Variants in ARHGAP9 observed in about 807,000 individuals in gnomAD.
ARHGAP9 encodes rho GTPase-activating protein 9.
ARHGAP9 carries 76 observed loss-of-function variants against 87.3 expected under a neutral mutation model. The ratio of observed to expected loss-of-function variants is 0.87; its 90% CI spans 0.72 to 1.05. The LOEUF (loss-of-function observed/expected upper bound fraction) is 1.05. ARHGAP9 is among the 50% of genes least tolerant of loss of function. ARHGAP9 has a pLI of 0.00. For synonymous variants in ARHGAP9, 382 were observed against 394.9 expected, an observed-to-expected ratio of 0.97 and a Z score of 0.39; for missense variants, 941 against 960.5, an observed-to-expected ratio of 0.98 and a Z score of 0.27.
At chr12:57,475,793 GGCCGGTCGGA>G in intron 10 of ARHGAP9, 30 bp downstream of exon 10, 1 of 1,606,354 alleles carries the variant, frequency 6.2e-7, no homozygotes, top group Non-Finnish European at 8.5e-7. Flanking sequence ...CCTTGGTCCC[GGCCGGTCGGA>G]GCCTCCCTCC....
chr12:57,475,184 G>A, intron 12 of ARHGAP9, 107 bp downstream of exon 12: 1 of 1,258,326 alleles, frequency 7.9e-7, no homozygotes, highest in Non-Finnish European at 1.1e-6. Context: ...ACAATCTGGG[G>A]TAGTGGGAAA....
chr12:57,476,990 T>A (rs752625740), intron 5 of ARHGAP9, 27 bp from the exon 6 acceptor site: 158 of 1,519,680 alleles, frequency 1.0e-4, no homozygotes, highest in Non-Finnish European at 1.3e-4. Context: ...GAGAAACAGG[T>A]GGGGAAACGC....
chr12:57,481,919 C>T (rs907457814), upstream of ARHGAP9, among the ~76,000 whole-genome samples: 1 of 152,150 alleles, frequency 6.6e-6, no homozygotes, highest in Non-Finnish European at 1.5e-5. Context: ...ATTCTCTCCC[C>T]AGCTCAAATG....
At chr12:57,474,271 C>G (rs1293628514) in intron 15 of ARHGAP9, 95 bp from the exon 16 acceptor site, 2 of 1,584,068 alleles carry the variant, frequency 1.3e-6, no homozygotes, top group African/African-American at 2.7e-5. Context: ...TCAAAGCAGA[C>G]TATAGGAATG....
chr12:57,476,734 G>A, intron 6 of ARHGAP9, 83 bp from the exon 7 acceptor site: 2 of 1,581,848 alleles, frequency 1.3e-6, no homozygotes, highest in Non-Finnish European at 1.7e-6. Context: ...TCTCCCAGGA[G>A]TGAAGTCCCT....
Position 57,472,293 on chromosome 12 carries a change from A to C in ARHGAP9, c.*224T>G, listed in dbSNP as rs1872096384. On this transcript the variant is annotated 3_prime_UTR_variant, in exon 18 of 18. Coordinates refer to ENST00000393791, the MANE Select transcript of ARHGAP9 (RefSeq NM_032496.4). Reference sequence around the variant, plus strand: ...ATACCATGCCACTTTATGTATTATTATGTTGGGGAGGAATGATAACAGGGA... The same window carrying C: ...ATACCATGCCACTTTATGTATTATTCTGTTGGGGAGGAATGATAACAGGGA... 2.8e-5 allele frequency: 17 copies of C among 615,484 alleles called. No homozygotes were observed. The South Asian group carries it at 3.8e-4, about 14-fold the overall frequency. The allele number at this position is 615,484 out of a possible 1,614,324, so 38.1% of individuals were successfully genotyped here. A position where few individuals can be genotyped will look rare whatever the true frequency, so the allele number is the denominator to read the frequency against.
intron 1 of ARHGAP9, chr12:57,487,714 T>G (rs921174178): frequency 4.9e-6 from 1 of 202,084 alleles, no homozygotes; most frequent in Admixed American, 5.8e-5. Flanking sequence ...CCGAGCGTGG[T>G]GGCACGTGCC....
In ARHGAP9 at chr12:57,475,873, C is replaced by G; in HGVS notation, c.1271G>C (p.Arg424Pro). Reference sequence around the variant, plus strand: ...AGTCCGCAGCGCGCGGTGCCAGGCTCGCAGCTCTGTCTCGTGGTCCGACTG... The same window carrying G: ...AGTCCGCAGCGCGCGGTGCCAGGCTGGCAGCTCTGTCTCGTGGTCCGACTG... ...LLQSDHETEL[R>P]AWHRALRTVI... Residue 424 changes from arginine (R) to proline (P), a missense_variant, in exon 10 of 18, where the codon CGA (arginine) becomes CCA (proline). By Grantham distance (103) the Arg-to-Pro change is moderately radical. Coordinates refer to ENST00000393791, the MANE Select transcript of ARHGAP9 (RefSeq NM_032496.4). The G allele has an allele frequency of 6.2e-7, 1 of 1,613,946 alleles. No homozygotes were observed. The highest frequency in any genetic ancestry group is 8.5e-7 in the Non-Finnish European group (1 of 1,179,920).
upstream of ARHGAP9, among the ~76,000 whole-genome samples, chr12:57,480,606 T>C (rs1305803150): frequency 1.3e-5 from 2 of 152,152 alleles, no homozygotes; most frequent in East Asian, 3.9e-4. Context: ...CCTTAACTAA[T>C]GACACAATAA....
At chr12:57,476,708 G>C in intron 6 of ARHGAP9, 57 bp from the exon 7 acceptor site, 1 of 1,609,250 alleles carries the variant, frequency 6.2e-7, no homozygotes, top group Non-Finnish European at 8.5e-7. Context: ...TAGTGGCCAC[G>C]GCTTTCCCTA....
At position 57,477,251 on chromosome 12, in the gene ARHGAP9, C is replaced by T. The variant is rs1473150417; in HGVS notation, c.775G>A (p.Gly259Arg). ...RSETNPGSME[G>R]TQTLKRNNDV... ...TTGTTCCTCTTCAGGGTCTGTGTCC[C>T]CTCCATGGAGCCAGGGTTCTGGGTT... The change falls in exon 5 of 18, where the codon GGG becomes AGG. Residue 259 changes from glycine (G) to arginine (R), a missense_variant. Gly to Arg is a moderately radical substitution (Grantham distance 125). Transcript: ENST00000393791. 5.7e-6 allele frequency: 9 copies of T among 1,575,606 alleles called. No homozygotes were observed. Among genetic ancestry groups the T allele is most frequent in the South Asian group, 2.3e-5 (2 of 85,122 alleles).
At position 57,475,372 on chromosome 12, in the gene ARHGAP9, T is replaced by G. The variant is rs1873188754; in HGVS notation, c.1471A>C (p.Asn491His). 1 of 1,600,492 alleles carries G rather than the reference T, an allele frequency of 6.2e-7. No individual in the cohort carries two copies. The highest frequency in any genetic ancestry group is 1.3e-5 in the African/African-American group (1 of 74,800). The change falls in exon 12 of 18, where the codon AAC becomes CAC. Residue 491 changes from asparagine to histidine, a missense_variant. Coordinates refer to ENST00000393791, the MANE Select transcript of ARHGAP9 (RefSeq NM_032496.4). ...SIRGPEGTEQ[N>H]RVRNKLKRLI... ...CGCTTTAGTTTGTTGCGCACGCGGTTCTGCTCGGTGCCTTCGGGCCCCCGA... is the reference window on the plus strand; with the variant it reads ...CGCTTTAGTTTGTTGCGCACGCGGTGCTGCTCGGTGCCTTCGGGCCCCCGA...
At chr12:57,480,744 C>T (rs1230744777), upstream of ARHGAP9, 1 of 1,544,088 alleles carries the variant, frequency 6.5e-7, no homozygotes. Context: ...GGATTACCAG[C>T]ACTTTAAAAC....
chr12:57,486,456 G>T (rs1425286028), intron 1 of ARHGAP9, among the ~76,000 whole-genome samples: 1 of 151,866 alleles, frequency 6.6e-6, no homozygotes, highest in Non-Finnish European at 1.5e-5. Flanking sequence ...TTTCACTAAA[G>T]AAGGGGTTTC....
At position 57,474,871 on chromosome 12, in the gene ARHGAP9, T is replaced by C. The variant is rs1466972958; in HGVS notation, c.1651+4A>G. On this transcript the variant is annotated splice_donor_region_variant and intron_variant, in intron 13 of 17. Coordinates refer to ENST00000393791, the MANE Select transcript of ARHGAP9 (RefSeq NM_032496.4). ...GAGGATTCTGGGGTCTCTGAGAAAA[T>C]GACCTCTTTTATCCACAGCAGCAAT... The C allele has an allele frequency of 4.3e-6, 7 of 1,613,956 alleles. No individual in the cohort carries two copies. Among genetic ancestry groups the C allele is most frequent in the Non-Finnish European group, 5.1e-6 (6 of 1,180,012 alleles).
chr12:57,487,418 T>G (rs1436943350), intron 1 of ARHGAP9: 2 of 152,250 alleles, frequency 1.3e-5, no homozygotes, highest in Non-Finnish European at 2.9e-5. Context: ...GAGTAGCTGC[T>G]GTTATGACAT....
chr12:57,480,730 C>G (rs747259115), upstream of ARHGAP9: 13 of 1,528,096 alleles, frequency 8.5e-6, 1 homozygote, highest in Middle Eastern at 1.7e-3. Context: ...AAGTGACCTT[C>G]CCTGGATTAC....
upstream of ARHGAP9, among the ~76,000 whole-genome samples, chr12:57,481,369 G>T (rs1033261777): frequency 1.3e-5 from 2 of 152,036 alleles, no homozygotes; most frequent in African/African-American, 4.8e-5. Flanking sequence ...TCCTGCCTCA[G>T]CCTCCTAAGT....
chr12:57,477,818 G>C, intron 3 of ARHGAP9, 138 bp from the exon 4 acceptor site: 2 of 1,508,246 alleles, frequency 1.3e-6, no homozygotes, highest in Middle Eastern at 1.8e-4. Flanking sequence ...CCAGGGTACT[G>C]GGGGAGAAAC....
Sources: gnomAD v4.1 joint callset for allele counts (sites outside exome capture counted in the v4.1 genomes callset) on GRCh38, gnomAD v4.1.1 for gene constraint, MANE v1.5 for transcripts, NCBI Gene and HGNC (gene_info 2026-07-23, HGNC 2026-07-21) for gene names.